Variants in IGSF9B observed in about 807,000 individuals in gnomAD.
The protein encoded by IGSF9B is protein turtle homolog B.
A neutral mutation model predicts 143.7 loss-of-function variants in IGSF9B; 48 were observed. The observed-to-expected ratio is 0.33, with a 90% CI of 0.26 to 0.42. The LOEUF (loss-of-function observed/expected upper bound fraction) is 0.42, where lower values mean the gene tolerates loss of function less well. IGSF9B is among the 20% of genes least tolerant of loss of function. The probability of loss-of-function intolerance (pLI) is 1.00; values close to 1 mark genes in which losing one functional copy is unlikely to be tolerated. For missense variants in IGSF9B, 1,706 were observed against 1,980.0 expected (o/e 0.86, Z 2.63); for synonymous variants, 903 against 833.1 (o/e 1.08, Z -1.44).
Position 133,921,048 on chromosome 11 carries a change from C to A in IGSF9B, c.2677G>T (p.Asp893Tyr). The change falls in exon 18 of 20, where the codon GAC becomes TAC. Residue 893 changes from aspartate to tyrosine, a missense_variant. Around this residue, in one of 7 missense-constraint regions of IGSF9B, gnomAD observed 880 missense variants for 762.9 expected, o/e 1.15. Transcript: ENST00000533871. Reference sequence around the variant, plus strand: ...ACCAGTGGGTCCTCGTTCTCCTCGTCCGACTGGCGGAACTCGGGGTACATG... The same window carrying A: ...ACCAGTGGGTCCTCGTTCTCCTCGTACGACTGGCGGAACTCGGGGTACATG... ...TDMYPEFRQS[D>Y]EENEDPLVPT... 1 of 1,613,830 alleles carries A rather than the reference C, an allele frequency of 6.2e-7. No homozygotes were observed. The highest frequency in any genetic ancestry group is 1.1e-5 in the South Asian group (1 of 91,086).
chr11:133,956,705 C>A lies in IGSF9B; in HGVS notation c.50G>T (p.Gly17Val). Residue 17 changes from glycine (G) to valine (V), a missense_variant, in exon 1 of 20, where the codon GGG becomes GTG. Transcript: ENST00000533871. ...CTTCAACTCACCTTCAGCCGCAAGC[C>A]CTCGGGTGCCGATCACACTTGCTAT... ...TFIASVIGTR[G>V]LAAEGAHGLR... 1 of 1,546,388 alleles carries A rather than the reference C, an allele frequency of 6.5e-7. No individual in the cohort carries two copies. The highest frequency in any genetic ancestry group is 1.2e-5 in the South Asian group (1 of 83,120).
intron 6 of IGSF9B, 82 bp downstream of exon 6, chr11:133,935,971 G>A (rs1939815208): frequency 3.3e-6 from 5 of 1,521,532 alleles, no homozygotes; most frequent in Non-Finnish European, 4.5e-6. Flanking sequence ...CGGGCAGCCT[G>A]CCCGTGCAAT....
chr11:133,952,674 A>G (rs75059851), intron 1 of IGSF9B, among the ~76,000 whole-genome samples: 22,204 of 152,056 alleles, frequency 0.15, 2,182 homozygotes, highest in Non-Finnish European at 0.21. Context: ...GTGCACACAT[A>G]TGCAATGCAC....
At position 133,922,691 on chromosome 11, in the gene IGSF9B, G is replaced by A. The variant is rs754028693; in HGVS notation, c.2159C>T (p.Ala720Val). Residue 720 changes from alanine (A) to valine (V), a missense_variant, in exon 16 of 20, where the codon GCG becomes GTG. Physicochemically the swap from Ala to Val is moderately conservative, Grantham distance 64. Coordinates refer to ENST00000533871, the MANE Select transcript of IGSF9B (RefSeq NM_001277285.4). ...TACGATTCCCGCCAGCACAGGCCGC[G>A]CCAGCCCATCCTCGGTCAGGTCCGG... ...PQPDLTEDGL[A>V]RPVLAGIVAT... 3.8e-6 allele frequency: 6 copies of A among 1,586,724 alleles called. No individual in the cohort carries two copies. The highest frequency in any genetic ancestry group is 2.3e-5 in the South Asian group (2 of 86,912).
intron 7 of IGSF9B, 33 bp from the exon 8 acceptor site, chr11:133,932,246 C>T (rs999355818): frequency 6.7e-7 from 1 of 1,497,030 alleles, no homozygotes; most frequent in South Asian, 1.2e-5. Flanking sequence ...AGAGAGCAGA[C>T]AGACAGACAC....
intron 18 of IGSF9B, among the ~76,000 whole-genome samples, chr11:133,917,187 C>T (rs983814446): frequency 1.3e-5 from 2 of 152,172 alleles, no homozygotes; most frequent in Admixed American, 6.5e-5. Flanking sequence ...TGCAGGTGCC[C>T]GATGCCTGTG....
At position 133,929,704 on chromosome 11, in the gene IGSF9B, T is replaced by C. The variant is rs1939688842; in HGVS notation, c.1598A>G (p.Tyr533Cys). ...TTANVSWEPGYDGGYEQTFSV... is the reference protein window; with the variant it reads ...TTANVSWEPGCDGGYEQTFSV... ...GAATGTCTGCTCGTAGCCTCCATCA[T>C]AGCCTGGTTCCCAGGACACGTTGGC... is the stretch of plus-strand genomic sequence containing the variant. The change falls in exon 12 of 20, where the codon TAT becomes TGT. Residue 533 changes from tyrosine to cysteine, a missense_variant. Transcript: ENST00000533871. The C allele has an allele frequency of 6.2e-7, 1 of 1,613,664 alleles. No individual in the cohort carries two copies.
intron 8 of IGSF9B, 37 bp downstream of exon 8, chr11:133,932,034 C>A (rs780698670): frequency 1.3e-6 from 2 of 1,586,172 alleles, no homozygotes; most frequent in Non-Finnish European, 1.7e-6. Flanking sequence ...CTGGGGGGAG[C>A]CCTCACTCCA....
chr11:133,940,011 G>A (rs937221624), intron 3 of IGSF9B, among the ~76,000 whole-genome samples: 9 of 146,852 alleles, frequency 6.1e-5, no homozygotes, highest in South Asian at 2.1e-4. Flanking sequence ...GTCATCGCAC[G>A]CGTCATCACA....
rs1369676278 is a variant in IGSF9B at position 133,946,084 on chromosome 11, G to A, written c.239C>T (p.Pro80Leu). 5 of 1,593,726 alleles carry A rather than the reference G, an allele frequency of 3.1e-6. No individual in the cohort carries two copies. The highest frequency in any genetic ancestry group is 1.7e-5 in the Admixed American group (1 of 58,124). The stretch of plus-strand genomic sequence containing the variant: ...ACCTGCATACTCAGGGTCCACGTGC[G>A]GCGGGTAGTAGCCAAACTTGATGAA... ...PIFIKFGYYPPHVDPEYAGRA... is the reference protein window; with the variant it reads ...PIFIKFGYYPLHVDPEYAGRA... The change falls in exon 2 of 20, where the codon CCG (proline) becomes CTG (leucine). Residue 80 changes from proline (P) to leucine (L), a missense_variant. Physicochemically the swap from Pro to Leu is moderately conservative, Grantham distance 98. Transcript: ENST00000533871.
rs1308432528 is a variant in IGSF9B, at chr11:133,908,358, G to A, written c.*711C>T. ...CCATAGAAGGCAGCCGGTAATCACAGCAAGGCCCCATTTCTGCTCTGGGTG... is the reference window on the plus strand; with the variant it reads ...CCATAGAAGGCAGCCGGTAATCACAACAAGGCCCCATTTCTGCTCTGGGTG... On this transcript the variant is annotated 3_prime_UTR_variant, in exon 20 of 20. Transcript: ENST00000533871. Among the ~76,000 whole-genome samples the A allele has an allele frequency of 4.6e-5, 7 of 152,030 alleles. No homozygotes were observed. The highest frequency in any genetic ancestry group is 1.0e-4 in the Non-Finnish European group (7 of 68,002).
At chr11:133,915,268 C>CTTTT (rs33964936) in intron 18 of IGSF9B, among the ~76,000 whole-genome samples, 17 of 86,714 alleles carry the variant, frequency 2.0e-4, no homozygotes, top group African/African-American at 3.2e-4. Flanking sequence ...CTCTCTCTCT[C>CTTTT]TTTTTTTTTT....
intron 19 of IGSF9B, among the ~76,000 whole-genome samples, chr11:133,911,271 A>G (rs576425207): frequency 3.9e-5 from 6 of 152,314 alleles, no homozygotes; most frequent in South Asian, 4.1e-4. Context: ...CTAGATACAC[A>G]TCGGACATAC....
Position 133,945,884 on chromosome 11 carries a change from G to A in IGSF9B, c.262+177C>T, listed in dbSNP as rs2121338394. Among the ~76,000 whole-genome samples the A allele has an allele frequency of 6.6e-6, 1 of 152,062 alleles. No homozygotes were observed. Among genetic ancestry groups the A allele is most frequent in the South Asian group, 2.1e-4 (1 of 4,796 alleles). ...GGCTTTACCCTGCCCCACCTCCACA[G>A]CCCTCTCCTCCCACCGCTTGATTAG... On this transcript the variant is annotated intron_variant, in intron 2 of 19. Coordinates refer to ENST00000533871, the MANE Select transcript of IGSF9B (RefSeq NM_001277285.4). This position sits in a 1 kb window ranked among gnomAD's most constrained non-coding sequence, Gnocchi z 4.6.
At chr11:133,951,973 C>T (rs1022057270) in intron 1 of IGSF9B, 1 of 445,948 alleles carries the variant, frequency 2.2e-6, no homozygotes, top group Non-Finnish European at 4.6e-6. Context: ...CAGGCCCCCG[C>T]TCCATCTCGG....
rs745922626 is a variant in IGSF9B at position 133,902,104 on chromosome 11, GCA to G, written c.*6963_*6964del. 3.3e-5 allele frequency among the ~76,000 whole-genome samples: 4 copies of G among 119,770 alleles called. No homozygotes were observed. Among genetic ancestry groups the G allele is most frequent in the African/African-American group, 6.5e-5 (2 of 30,694 alleles). 78.6% of individuals were successfully genotyped at this position (119,770 alleles called of 152,430 possible). ...CCACATACAATACACAAAACACATA[GCA>G]CACACACACACCACACACAGTCCAT... is the stretch of plus-strand genomic sequence containing the variant. On this transcript the variant is annotated 3_prime_UTR_variant, in exon 20 of 20. Coordinates refer to ENST00000533871, the MANE Select transcript of IGSF9B (RefSeq NM_001277285.4).
At chr11:133,939,207 G>A (rs945606826) in intron 3 of IGSF9B, among the ~76,000 whole-genome samples, 1 of 152,204 alleles carries the variant, frequency 6.6e-6, no homozygotes, top group Non-Finnish European at 1.5e-5. Context: ...TACCTGCTTA[G>A]GACTACATAC....
rs75224781 is a variant in IGSF9B, at chr11:133,952,491, C to G, written c.64+4200G>C. On this transcript the variant is annotated intron_variant, in intron 1 of 19. Transcript: ENST00000533871. ...CAGCACGGAGAGGAGTGGCCCCCAC[C>G]TCGTGTCTGCACACTAACTTCCCCA... 6.6e-3 allele frequency among the ~76,000 whole-genome samples: 1,009 copies of G among 152,298 alleles called. 31 individuals carry two copies. In the East Asian group the frequency reaches 0.093, roughly 14 times the overall value.
chr11:133,919,429 G>A (rs1939464154), intron 18 of IGSF9B, among the ~76,000 whole-genome samples: 1 of 152,230 alleles, frequency 6.6e-6, no homozygotes. Flanking sequence ...AGAGGGACGG[G>A]GTCCACCCCC....
Sources: gnomAD v4.1 joint callset for allele counts (sites outside exome capture counted in the v4.1 genomes callset) on GRCh38, gnomAD v4.1.1 for gene constraint, gnomAD v4.1.1 regional missense constraint, Gnocchi (gnomAD v3.1) non-coding constraint, MANE v1.5 for transcripts, NCBI Gene and HGNC (gene_info 2026-07-23, HGNC 2026-07-21) for gene names.